GALNT13: variants seen among roughly 807,000 people sequenced by gnomAD.
GALNT13 encodes UDP-GalNAc:polypeptide N-acetylgalactosaminyltransferase 13.
GALNT13 carries 28 observed loss-of-function variants against 64.2 expected under a neutral mutation model. The observed-to-expected ratio is 0.44, with a 90% confidence interval of 0.32 to 0.60. The LOEUF (loss-of-function observed/expected upper bound fraction) is 0.60. Ranked by LOEUF, GALNT13 falls within the 20% of genes least tolerant of loss-of-function variation. GALNT13 has a pLI of 0.05. For synonymous variants in GALNT13, 214 were observed against 224.6 expected, an observed-to-expected ratio of 0.95 and a Z score of 0.42; for missense variants, 577 against 669.8, an observed-to-expected ratio of 0.86 and a Z score of 1.53.
the GALNT13 span, among the ~76,000 whole-genome samples, chr2:153,574,036 T>TA: frequency 1.3e-5 from 2 of 152,040 alleles, no homozygotes; most frequent in African/African-American, 4.8e-5. Context: ...CTGGTGTTGA[T>TA]AAAATCTCTC....
the GALNT13 span, among the ~76,000 whole-genome samples, chr2:153,388,208 C>G: frequency 6.6e-6 from 1 of 152,084 alleles, no homozygotes; most frequent in Non-Finnish European, 1.5e-5. Flanking sequence ...TGACCTCTAA[C>G]TATACCTTAG....
chr2:153,758,375 T>C, the GALNT13 span, among the ~76,000 whole-genome samples: 3 of 152,060 alleles, frequency 2.0e-5, no homozygotes, highest in Non-Finnish European at 4.4e-5. Flanking sequence ...AGTACCATGC[T>C]GTTTTAATTA....
chr2:153,509,143 G>T, the GALNT13 span, among the ~76,000 whole-genome samples: 2 of 152,204 alleles, frequency 1.3e-5, no homozygotes, highest in African/African-American at 4.8e-5. Flanking sequence ...GGAAATAGCG[G>T]GCGCTGTGTG....
At chr2:153,121,754 G>T in the GALNT13 span, among the ~76,000 whole-genome samples, 1 of 152,010 alleles carries the variant, frequency 6.6e-6, no homozygotes, top group African/African-American at 2.4e-5. Flanking sequence ...GGATGGTCTG[G>T]AACTCCTGAC....
the GALNT13 span, among the ~76,000 whole-genome samples, chr2:153,821,570 C>A: frequency 1.3e-5 from 2 of 152,110 alleles, no homozygotes; most frequent in Admixed American, 1.3e-4. Context: ...ACCAAAATCT[C>A]TGGGATGCAG....
At chr2:153,705,611 C>T in the GALNT13 span, among the ~76,000 whole-genome samples, 1 of 152,192 alleles carries the variant, frequency 6.6e-6, no homozygotes. Flanking sequence ...AAACAGCTAT[C>T]TGAAACATAT....
At chr2:153,415,928 A>G in the GALNT13 span, among the ~76,000 whole-genome samples, 1 of 152,206 alleles carries the variant, frequency 6.6e-6, no homozygotes, top group African/African-American at 2.4e-5. Context: ...GAAAAGAAAA[A>G]AGTTCTGCCA....
intron 11 of GALNT13, among the ~76,000 whole-genome samples, chr2:154,433,058 C>T (rs1700779438): frequency 6.6e-6 from 1 of 152,120 alleles, no homozygotes; most frequent in Non-Finnish European, 1.5e-5. Flanking sequence ...TCCCTACAAT[C>T]TTGGAATTCT....
intron 3 of GALNT13, among the ~76,000 whole-genome samples, chr2:154,069,038 T>C (rs1232329046): frequency 6.6e-6 from 1 of 151,868 alleles, no homozygotes; most frequent in Non-Finnish European, 1.5e-5. Context: ...TCCTACTAAA[T>C]ACTCAGAAAA....
the GALNT13 span, among the ~76,000 whole-genome samples, chr2:153,785,526 C>T: frequency 1.3e-5 from 2 of 152,162 alleles, no homozygotes; most frequent in Admixed American, 1.3e-4. Flanking sequence ...TTTGTGGGTC[C>T]CCAATCCAGT....
At chr2:153,581,846 A>G in the GALNT13 span, among the ~76,000 whole-genome samples, 3 of 152,124 alleles carry the variant, frequency 2.0e-5, no homozygotes, top group Admixed American at 6.6e-5. Context: ...GGGATGTTCA[A>G]TAATTTTGAC....
chr2:153,344,218 G>A, the GALNT13 span, among the ~76,000 whole-genome samples: 2 of 152,122 alleles, frequency 1.3e-5, no homozygotes. Flanking sequence ...GATACATATT[G>A]TAGATTAGAC....
rs546116693 is a variant in GALNT13 at position 153,943,737 on chromosome 2, C to T, written c.-104-657C>T. ...CTCAAACTCCTGACCTCAGGTGATC[C>T]GCCTGCCTCGATCTCTCAAAGTGTT... On this transcript the variant is annotated intron_variant, in intron 2 of 12. Coordinates refer to ENST00000392825, the MANE Select transcript of GALNT13 (RefSeq NM_052917.4). Among the ~76,000 whole-genome samples the T allele has an allele frequency of 5.9e-5, 9 of 152,244 alleles. No individual in the cohort carries two copies. The South Asian group carries it at 1.4e-3, about 24-fold the overall frequency.
chr2:153,795,568 G>C, the GALNT13 span, among the ~76,000 whole-genome samples: 1 of 151,642 alleles, frequency 6.6e-6, no homozygotes, highest in Non-Finnish European at 1.5e-5. Flanking sequence ...AGGGAAAAAT[G>C]TATCCTGTTT....
intron 4 of GALNT13, among the ~76,000 whole-genome samples, chr2:154,197,644 A>G (rs899149453): frequency 1.3e-5 from 2 of 152,040 alleles, no homozygotes; most frequent in Non-Finnish European, 2.9e-5. Flanking sequence ...TAAAGAACTC[A>G]GAAGAGAACA....
chr2:153,718,422 T>C, the GALNT13 span, among the ~76,000 whole-genome samples: 18 of 152,088 alleles, frequency 1.2e-4, no homozygotes, highest in South Asian at 2.1e-4. Flanking sequence ...GGGTTTTTTT[T>C]TTTTCATGTT....
chr2:154,144,585 A>G (rs1683455512), intron 4 of GALNT13, among the ~76,000 whole-genome samples: 1 of 152,164 alleles, frequency 6.6e-6, no homozygotes, highest in African/African-American at 2.4e-5. Context: ...TCATTCAAAT[A>G]TCTAATCATA....
chr2:154,440,819 A>G (rs2105477478), intron 12 of GALNT13, among the ~76,000 whole-genome samples: 1 of 152,290 alleles, frequency 6.6e-6, no homozygotes, highest in Non-Finnish European at 1.5e-5. Flanking sequence ...TTGTAGGAAT[A>G]ATACATTGCC....
the GALNT13 span, among the ~76,000 whole-genome samples, chr2:153,814,449 A>ATAAG: frequency 0.037 from 5,419 of 148,274 alleles, 166 homozygotes; most frequent in East Asian, 0.12. Context: ...CAATAAATAA[A>ATAAG]TAAGTAAGTA....
Sources: allele counts gnomAD v4.1 joint callset (sites outside exome capture counted in the v4.1 genomes callset), GRCh38; gene constraint gnomAD v4.1.1; transcripts MANE v1.5; gene names NCBI Gene and HGNC (gene_info 2026-07-23, HGNC 2026-07-21).